Variants in GRIK2 observed in about 807,000 individuals in gnomAD.
GRIK2 encodes the protein glutamate ionotropic receptor kainate type subunit 2.
In GRIK2, 32 loss-of-function variants were observed where a neutral mutation model predicts 100.3. The observed-to-expected ratio is 0.32, with a 90% confidence interval of 0.24 to 0.43. The LOEUF is 0.43. GRIK2 is among the 20% of genes least tolerant of loss of function. The probability of loss-of-function intolerance (pLI) is 1.00; values close to 1 mark genes in which losing one functional copy is unlikely to be tolerated. For synonymous variants in GRIK2, 417 were observed against 389.4 expected, an observed-to-expected ratio of 1.07 and a Z score of -0.83; for missense variants, 843 against 1,114.9, an observed-to-expected ratio of 0.76 and a Z score of 3.47.
At chr6:101,622,253 C>A (rs1780200337) in intron 3 of GRIK2, 137 bp downstream of exon 3, 5 of 548,770 alleles carry the variant, frequency 9.1e-6, no homozygotes, top group African/African-American at 1.9e-5. Flanking sequence ...TTTCAAAATG[C>A]ATATAAATTT....
At chr6:101,738,911 G>A (rs1295386186) in intron 7 of GRIK2, among the ~76,000 whole-genome samples, 2 of 152,164 alleles carry the variant, frequency 1.3e-5, no homozygotes, top group Non-Finnish European at 2.9e-5. Context: ...AAGTAAAATA[G>A]AAAACGGGAC....
chr6:101,760,594 A>ATAATTTAATTATATTTAATTGTATGTT, intron 7 of GRIK2, among the ~76,000 whole-genome samples: 2 of 89,978 alleles, frequency 2.2e-5, no homozygotes, highest in African/African-American at 5.1e-5. Context: ...ATAATTATAT[A>ATAATTTAATTATATTTAATTGTATGTT]TAATTATATA....
intron 2 of GRIK2, among the ~76,000 whole-genome samples, chr6:101,482,842 C>A (rs926061140): frequency 2.6e-4 from 39 of 152,018 alleles, no homozygotes; most frequent in African/African-American, 9.4e-4. Context: ...GCTGGTATAA[C>A]CTTCTCTGGG....
chr6:101,884,067 G>A (rs957691107), intron 11 of GRIK2, among the ~76,000 whole-genome samples: 3 of 152,090 alleles, frequency 2.0e-5, no homozygotes, highest in Non-Finnish European at 4.4e-5. Context: ...GACTAGGTTG[G>A]TAGTGGCAGA....
intron 7 of GRIK2, among the ~76,000 whole-genome samples, chr6:101,716,520 C>A: frequency 6.9e-6 from 1 of 144,728 alleles, no homozygotes; most frequent in African/African-American, 2.6e-5. Context: ...TTATGGACTC[C>A]ACTGACAACC....
chr6:101,690,683 A>G (rs892123005), intron 7 of GRIK2, among the ~76,000 whole-genome samples: 2 of 151,944 alleles, frequency 1.3e-5, no homozygotes, highest in East Asian at 3.9e-4. Flanking sequence ...CAATTTGTCC[A>G]GCCTCATATT....
chr6:101,481,260 G>A (rs200649121), intron 2 of GRIK2, among the ~76,000 whole-genome samples: 1 of 152,034 alleles, frequency 6.6e-6, no homozygotes, highest in South Asian at 2.1e-4. Flanking sequence ...GGCTGTTTTT[G>A]GTATATGAAA....
At chr6:101,768,439 A>G (rs1778174672) in intron 7 of GRIK2, among the ~76,000 whole-genome samples, 1 of 152,150 alleles carries the variant, frequency 6.6e-6, no homozygotes, top group Admixed American at 6.5e-5. Context: ...CTGCTAGCAC[A>G]TCATTATTCA....
chr6:102,044,173 T>C (rs1770753519), intron 15 of GRIK2, among the ~76,000 whole-genome samples: 1 of 151,984 alleles, frequency 6.6e-6, no homozygotes, highest in Non-Finnish European at 1.5e-5. Flanking sequence ...TATCAATCCA[T>C]AACATTTTAA....
At chr6:101,823,853 G>A (rs1181174237) in intron 10 of GRIK2, among the ~76,000 whole-genome samples, 1 of 147,028 alleles carries the variant, frequency 6.8e-6, no homozygotes, top group African/African-American at 2.5e-5. Context: ...GTTTACATGA[G>A]TAAGTTCTGT....
rs557128283 is a variant in GRIK2, at chr6:101,882,922, A to G, written c.1525-6718A>G. Reference sequence around the variant, plus strand: ...GGTAATAACTAAAACAGTTAATCACAGAGATATTTATGAAACATTTTAGCA... The same window carrying G: ...GGTAATAACTAAAACAGTTAATCACGGAGATATTTATGAAACATTTTAGCA... On this transcript the variant is annotated intron_variant, in intron 11 of 16. Coordinates refer to ENST00000369134, the MANE Select transcript of GRIK2 (RefSeq NM_021956.5). Among the ~76,000 whole-genome samples, 217 of 152,244 alleles carry G rather than the reference A, an allele frequency of 1.4e-3. 1 individual carries two copies. Among genetic ancestry groups the G allele is most frequent in the African/African-American group, 5.0e-3 (207 of 41,550 alleles).
At chr6:101,493,268 ATT>A (rs1773239252) in intron 2 of GRIK2, among the ~76,000 whole-genome samples, 1 of 151,974 alleles carries the variant, frequency 6.6e-6, no homozygotes, top group South Asian at 2.1e-4. Flanking sequence ...AAATTCTCAA[ATT>A]CAGTAAATCT....
chr6:101,550,711 C>A (rs561493857), intron 2 of GRIK2, among the ~76,000 whole-genome samples: 59 of 152,272 alleles, frequency 3.9e-4, no homozygotes, highest in African/African-American at 1.4e-3. Flanking sequence ...TTCTAGTCAA[C>A]AGTGAATAGC....
At chr6:102,068,280 A>G (rs1366652920) in intron 16 of GRIK2, 67 bp from the exon 17 acceptor site, 7 of 1,157,208 alleles carry the variant, frequency 6.0e-6, no homozygotes, top group Non-Finnish European at 7.5e-6. Context: ...GATGATTTTA[A>G]TATTGATCTT....
intron 7 of GRIK2, among the ~76,000 whole-genome samples, chr6:101,737,062 C>A (rs536592624): frequency 1.3e-5 from 2 of 152,304 alleles, no homozygotes; most frequent in South Asian, 4.2e-4. Context: ...CAGTTCCCAA[C>A]AAGTTCCTTA....
intron 2 of GRIK2, among the ~76,000 whole-genome samples, chr6:101,546,035 G>T (rs887661928): frequency 6.6e-6 from 1 of 151,542 alleles, no homozygotes; most frequent in African/African-American, 2.4e-5. Context: ...GCTGAATTTA[G>T]TTAAATGTCT....
At chr6:101,480,083 A>G (rs1420605275) in intron 2 of GRIK2, among the ~76,000 whole-genome samples, 2 of 152,120 alleles carry the variant, frequency 1.3e-5, no homozygotes, top group African/African-American at 2.4e-5. Context: ...GCAAATTTAC[A>G]AAGGAACATG....
At chr6:101,594,799 T>C (rs181570760) in intron 2 of GRIK2, among the ~76,000 whole-genome samples, 4 of 151,758 alleles carry the variant, frequency 2.6e-5, no homozygotes, top group Non-Finnish European at 5.9e-5. Context: ...GAAATATTTG[T>C]AGTTTAAAAG....
At chr6:101,745,906 A>T (rs1776393313) in intron 7 of GRIK2, among the ~76,000 whole-genome samples, 1 of 152,170 alleles carries the variant, frequency 6.6e-6, no homozygotes, top group African/African-American at 2.4e-5. Flanking sequence ...TTAAAGCTTG[A>T]ACTAAATGTA....
Sources: gnomAD v4.1 joint callset for allele counts (sites outside exome capture counted in the v4.1 genomes callset) on GRCh38, gnomAD v4.1.1 for gene constraint, MANE v1.5 for transcripts, NCBI Gene and HGNC (gene_info 2026-07-23, HGNC 2026-07-21) for gene names.